ATG10: variants seen among roughly 807,000 people sequenced by gnomAD.
ATG10 encodes the protein ubiquitin-like-conjugating enzyme ATG10.
A neutral mutation model predicts 32.1 loss-of-function variants in ATG10; 30 were observed. The observed-to-expected ratio is 0.94, with a 90% CI of 0.70 to 1.27. The LOEUF (loss-of-function observed/expected upper bound fraction) is 1.27, where lower values mean the gene tolerates loss of function less well. Ranked by LOEUF, ATG10 falls within the 50% of genes most tolerant of loss-of-function variation. ATG10 has a pLI of 0.00. For synonymous variants in ATG10, 87 were observed against 91.5 expected (o/e 0.95, Z 0.28); for missense variants, 233 against 262.3 (o/e 0.89, Z 0.77).
intron 2 of ATG10, among the ~76,000 whole-genome samples, chr5:82,000,637 A>G (rs563683472): frequency 1.6e-4 from 24 of 151,934 alleles, no homozygotes; most frequent in Non-Finnish European, 2.6e-4. Flanking sequence ...TACAAAATCA[A>G]TGTACAAAAA....
chr5:82,123,343 C>G, intron 3 of ATG10, among the ~76,000 whole-genome samples: 1 of 151,932 alleles, frequency 6.6e-6, no homozygotes, highest in East Asian at 1.9e-4. Context: ...AAGAAGGGAG[C>G]AACAGACACT....
At chr5:82,118,360 T>C (rs1581706012) in intron 3 of ATG10, among the ~76,000 whole-genome samples, 1 of 129,052 alleles carries the variant, frequency 7.7e-6, no homozygotes, top group African/African-American at 3.0e-5. Context: ...TATACATATA[T>C]ATACAAATAT....
intron 1 of ATG10, chr5:81,976,167 ATTTTTT>A (rs34643030): frequency 7.1e-6 from 1 of 141,056 alleles, no homozygotes; most frequent in African/African-American, 2.6e-5. Context: ...TGCCCGGCTA[ATTTTTT>A]TTTTTTTTTG....
At chr5:82,242,871 T>C (rs188598237) in intron 5 of ATG10, 9 of 446,566 alleles carry the variant, frequency 2.0e-5, no homozygotes, top group Non-Finnish European at 1.8e-5. Flanking sequence ...TGCTGACACA[T>C]AGGGAAAAAT....
intron 5 of ATG10, among the ~76,000 whole-genome samples, chr5:82,210,919 A>G (rs985303008): frequency 5.9e-5 from 9 of 152,296 alleles, no homozygotes; most frequent in Middle Eastern, 3.4e-3. Context: ...TATAGTTTCT[A>G]TCTTTCTTCC....
intron 5 of ATG10, among the ~76,000 whole-genome samples, chr5:82,189,948 A>G (rs1351378885): frequency 6.6e-6 from 1 of 152,106 alleles, no homozygotes; most frequent in African/African-American, 2.4e-5. Context: ...ATAACTTTAG[A>G]CTGGATACTT....
intron 1 of ATG10, among the ~76,000 whole-genome samples, chr5:81,979,303 G>A (rs187982652): frequency 2.6e-5 from 4 of 152,286 alleles, no homozygotes; most frequent in South Asian, 2.1e-4. Context: ...CGAGATGGAC[G>A]GATCACGAGG....
rs374907488 is a variant in ATG10, at chr5:82,169,220, AG to A, written c.355+4684del. ...GGAAGATATAAAGAAAAAGTGAAAG[AG>A]TTTGAGCAGAAGTGAATGAGACCAG... On this transcript the variant is annotated intron_variant, in intron 4 of 7. Transcript: ENST00000282185. Among the ~76,000 whole-genome samples, 52 of 152,072 alleles carry A rather than the reference AG, an allele frequency of 3.4e-4. No individual in the cohort carries two copies. The South Asian group carries it at 4.6e-3, about 13-fold the overall frequency.
At chr5:82,060,197 C>T (rs1024345177) in intron 3 of ATG10, among the ~76,000 whole-genome samples, 5 of 152,136 alleles carry the variant, frequency 3.3e-5, no homozygotes, top group African/African-American at 9.7e-5. Context: ...TCATTTCCAA[C>T]ATTTTCCAAT....
intron 2 of ATG10, among the ~76,000 whole-genome samples, chr5:82,031,618 T>G (rs997164470): frequency 6.6e-6 from 1 of 152,138 alleles, no homozygotes; most frequent in African/African-American, 2.4e-5. Context: ...ATGCAGTAAA[T>G]AGTAATTAGA....
intron 2 of ATG10, among the ~76,000 whole-genome samples, chr5:82,047,190 G>A (rs536560622): frequency 6.6e-6 from 1 of 152,072 alleles, no homozygotes; most frequent in South Asian, 2.1e-4. Flanking sequence ...CCATTCCCCT[G>A]GCACAAATAA....
intron 3 of ATG10, among the ~76,000 whole-genome samples, chr5:82,083,779 A>G (rs1764570066): frequency 6.6e-6 from 1 of 152,220 alleles, no homozygotes; most frequent in African/African-American, 2.4e-5. Flanking sequence ...GTTAGAAGGA[A>G]AATGAACAAA....
chr5:82,195,184 A>G (rs921147811), intron 5 of ATG10, among the ~76,000 whole-genome samples: 2 of 151,986 alleles, frequency 1.3e-5, no homozygotes, highest in Non-Finnish European at 2.9e-5. Flanking sequence ...TCTTGCCAAC[A>G]TTTGCTTTGA....
At chr5:81,981,039 G>A (rs923637389) in intron 1 of ATG10, among the ~76,000 whole-genome samples, 3 of 152,188 alleles carry the variant, frequency 2.0e-5, no homozygotes, top group Admixed American at 2.0e-4. Flanking sequence ...CCAATGGGAA[G>A]GCAAGGAGGG....
chr5:81,981,809 A>T (rs1206425859), intron 1 of ATG10, among the ~76,000 whole-genome samples: 1 of 152,242 alleles, frequency 6.6e-6, no homozygotes, highest in African/African-American at 2.4e-5. Context: ...CACACATTAG[A>T]TTAAAAATCA....
intron 3 of ATG10, among the ~76,000 whole-genome samples, chr5:82,105,256 C>T (rs1420613188): frequency 6.6e-6 from 1 of 151,954 alleles, no homozygotes; most frequent in Non-Finnish European, 1.5e-5. Context: ...GTTCATTCAT[C>T]ATTGGGTTTA....
chr5:82,066,587 G>T (rs1472349327), intron 3 of ATG10, among the ~76,000 whole-genome samples: 2 of 152,004 alleles, frequency 1.3e-5, no homozygotes, highest in African/African-American at 4.8e-5. Context: ...AGAAAGTGAG[G>T]CCCTCGACAA....
chr5:82,157,235 T>TA (rs1228876318), intron 3 of ATG10, among the ~76,000 whole-genome samples: 2 of 152,040 alleles, frequency 1.3e-5, no homozygotes, highest in Non-Finnish European at 2.9e-5. Context: ...GGCACCTTTT[T>TA]ACCCCCTTTT....
At chr5:82,241,357 A>G (rs6870406) in intron 5 of ATG10, among the ~76,000 whole-genome samples, 38,573 of 152,104 alleles carry the variant, frequency 0.25, 6,767 homozygotes, top group African/African-American at 0.5. Context: ...CCCTTTTACA[A>G]TATCAAGGTA....
Sources: gnomAD v4.1 joint callset for allele counts (sites outside exome capture counted in the v4.1 genomes callset) on GRCh38, gnomAD v4.1.1 for gene constraint, MANE v1.5 for transcripts, NCBI Gene and HGNC (gene_info 2026-07-23, HGNC 2026-07-21) for gene names.